Variants in RBFOX3 observed in about 807,000 individuals in gnomAD.
The protein encoded by RBFOX3 is RNA binding protein fox-1 homolog 3.
In RBFOX3, 17 loss-of-function variants were observed where a neutral mutation model predicts 48.7. The ratio of observed to expected loss-of-function variants is 0.35; its 90% CI spans 0.24 to 0.52. RBFOX3 has a LOEUF of 0.52. RBFOX3 is among the 20% of genes least tolerant of loss of function. The pLI, the probability that RBFOX3 is intolerant of heterozygous loss-of-function variation, is 0.94. For missense variants in RBFOX3, 382 were observed against 497.5 expected (o/e 0.77, Z 2.21); for synonymous variants, 212 against 209.5 (o/e 1.01, Z -0.10).
At chr17:79,093,553 A>G (rs2074437263) in intron 14 of RBFOX3, among the ~76,000 whole-genome samples, 1 of 151,840 alleles carries the variant, frequency 6.6e-6, no homozygotes. Flanking sequence ...AAATTGAAAA[A>G]AAAAAAAAAA....
intron 1 of RBFOX3, among the ~76,000 whole-genome samples, chr17:79,584,374 C>G (rs1480730633): frequency 6.6e-6 from 1 of 152,334 alleles, no homozygotes; most frequent in African/African-American, 2.4e-5. Flanking sequence ...TTTGATCCAA[C>G]AATCCCACTA....
chr17:79,481,989 T>C lies in RBFOX3; in HGVS notation c.-175+465A>G. Among the ~76,000 whole-genome samples the C allele has an allele frequency of 6.6e-6, 1 of 152,184 alleles. No homozygotes were observed. The highest frequency in any genetic ancestry group is 1.5e-5 in the Non-Finnish European group (1 of 68,006). Reference sequence around the variant, plus strand: ...TCAGAGCTGAACGGCAGTCACCCTCTCGGGGTGGGAACAGAGGCATCATGC... The same window carrying C: ...TCAGAGCTGAACGGCAGTCACCCTCCCGGGGTGGGAACAGAGGCATCATGC... On this transcript the variant is annotated intron_variant, in intron 2 of 14. Coordinates refer to ENST00000693108, the MANE Select transcript of RBFOX3 (RefSeq NM_001350451.2). The surrounding 1 kb of genome is among the most constrained non-coding windows in gnomAD (Gnocchi z 5.4).
At chr17:79,208,417 G>A (rs977829382) in intron 4 of RBFOX3, 5 of 152,318 alleles carry the variant, frequency 3.3e-5, no homozygotes, top group African/African-American at 1.2e-4. Flanking sequence ...AGTCGGGAAG[G>A]TTGGGTCAAG....
chr17:79,442,362 G>GAGA (rs1286184192), intron 2 of RBFOX3, among the ~76,000 whole-genome samples: 1 of 7,436 alleles, frequency 1.3e-4, no homozygotes, highest in Admixed American at 8.7e-4. Flanking sequence ...GAAGAGGGGG[G>GAGA]GAGAGAGAGA....
intron 3 of RBFOX3, among the ~76,000 whole-genome samples, chr17:79,303,349 G>C (rs189935334): frequency 6.6e-6 from 1 of 151,994 alleles, no homozygotes; most frequent in Non-Finnish European, 1.5e-5. Flanking sequence ...CAAATGCTTC[G>C]CCTGTGGACA....
chr17:79,450,049 G>C (rs2073171731), intron 2 of RBFOX3, among the ~76,000 whole-genome samples: 2 of 152,220 alleles, frequency 1.3e-5, no homozygotes, highest in South Asian at 4.2e-4. Flanking sequence ...GGCAGAAAGA[G>C]AGACCGTGGA....
chr17:79,402,680 T>C (rs1407822085), intron 2 of RBFOX3, among the ~76,000 whole-genome samples: 1 of 152,038 alleles, frequency 6.6e-6, no homozygotes, highest in Non-Finnish European at 1.5e-5. Flanking sequence ...TCCTTGTCTG[T>C]GAAACAGGAG....
At chr17:79,228,473 C>A (rs2060597825) in intron 4 of RBFOX3, among the ~76,000 whole-genome samples, 1 of 152,228 alleles carries the variant, frequency 6.6e-6, no homozygotes, top group Non-Finnish European at 1.5e-5. Flanking sequence ...CACACACTCA[C>A]AGATTTCTTT....
At chr17:79,256,822 T>A (rs980624001) in intron 3 of RBFOX3, among the ~76,000 whole-genome samples, 1 of 151,918 alleles carries the variant, frequency 6.6e-6, no homozygotes, top group East Asian at 1.9e-4. Flanking sequence ...CGTGGGGGGC[T>A]GAGGCAGGAG....
intron 4 of RBFOX3, among the ~76,000 whole-genome samples, chr17:79,170,304 G>A (rs1257488100): frequency 6.6e-6 from 1 of 152,182 alleles, no homozygotes; most frequent in African/African-American, 2.4e-5. Context: ...GCTGGCTGGG[G>A]TACCGGCTCC....
At chr17:79,597,839 T>TG (rs1373939027) in intron 1 of RBFOX3, among the ~76,000 whole-genome samples, 32 of 152,100 alleles carry the variant, frequency 2.1e-4, no homozygotes, top group African/African-American at 6.8e-4. Flanking sequence ...GTCCATCCCA[T>TG]GGGGGAGAAA....
intron 2 of RBFOX3, among the ~76,000 whole-genome samples, chr17:79,316,473 G>T (rs1247754635): frequency 6.6e-6 from 1 of 152,220 alleles, no homozygotes; most frequent in Non-Finnish European, 1.5e-5. Flanking sequence ...CCCAGCCAGG[G>T]ACTGTTACTC....
the RBFOX3 span, among the ~76,000 whole-genome samples, chr17:79,620,494 CGCGCACACACATGCGCATACGT>C: frequency 7.3e-6 from 1 of 136,728 alleles, no homozygotes; most frequent in African/African-American, 3.6e-5. Flanking sequence ...CGTGCACACA[CGCGCACACACATGCGCATACGT>C]GCACATGCAT....
At chr17:79,238,805 G>A (rs2061955970) in intron 3 of RBFOX3, among the ~76,000 whole-genome samples, 1 of 152,212 alleles carries the variant, frequency 6.6e-6, no homozygotes, top group Non-Finnish European at 1.5e-5. Flanking sequence ...AGTGGCATCT[G>A]GAGGCCCAGG....
chr17:79,540,232 G>A (rs574084499), intron 1 of RBFOX3, among the ~76,000 whole-genome samples: 36 of 152,334 alleles, frequency 2.4e-4, no homozygotes, highest in Middle Eastern at 3.4e-3. Context: ...GATATTCAGC[G>A]TGGCTCCGAT....
At chr17:79,489,614 A>G (rs1383017615) in intron 1 of RBFOX3, among the ~76,000 whole-genome samples, 1 of 152,124 alleles carries the variant, frequency 6.6e-6, no homozygotes, top group Non-Finnish European at 1.5e-5. Context: ...TTTTTTTAAA[A>G]CCATGGAATT....
intron 4 of RBFOX3, among the ~76,000 whole-genome samples, chr17:79,163,546 C>G (rs2047390752): frequency 6.6e-6 from 1 of 152,218 alleles, no homozygotes; most frequent in Non-Finnish European, 1.5e-5. Context: ...CATAAAAAGT[C>G]AGGGAAGTCC....
chr17:79,492,412 T>C lies in RBFOX3; in HGVS notation c.-319-9814A>G, dbSNP rs1375341034. Among the ~76,000 whole-genome samples the C allele has an allele frequency of 2.6e-5, 4 of 152,350 alleles. No homozygotes were observed. In the East Asian group the frequency reaches 7.7e-4, roughly 29 times the overall value. ...GATTAGGTCTTAAAAGAGCTCCATC[T>C]TTCTCTCACTCTGGAGGAAGTCAGC... On this transcript the variant is annotated intron_variant, in intron 1 of 14. Coordinates refer to ENST00000693108, the MANE Select transcript of RBFOX3 (RefSeq NM_001350451.2).
At chr17:79,624,561 G>A in the RBFOX3 span, among the ~76,000 whole-genome samples, 15 of 152,128 alleles carry the variant, frequency 9.9e-5, no homozygotes, top group South Asian at 2.1e-4. Context: ...CAGCAAGTCC[G>A]AACTAAATCC....
Sources: gnomAD v4.1 joint callset for allele counts (sites outside exome capture counted in the v4.1 genomes callset) on GRCh38, gnomAD v4.1.1 for gene constraint, Gnocchi (gnomAD v3.1) non-coding constraint, MANE v1.5 for transcripts, NCBI Gene and HGNC (gene_info 2026-07-23, HGNC 2026-07-21) for gene names.